Variants in CSMD3 observed in about 807,000 individuals in gnomAD.
The protein encoded by CSMD3 is CUB and Sushi multiple domains 3.
A neutral mutation model predicts 435.2 loss-of-function variants in CSMD3; 177 were observed. That is an observed-to-expected ratio of 0.41 (90% confidence interval 0.36 to 0.46). The LOEUF (loss-of-function observed/expected upper bound fraction) is 0.46, where lower values mean the gene tolerates loss of function less well. CSMD3 is among the 20% of genes least tolerant of loss of function. The pLI is 0.34. For synonymous variants in CSMD3, 1,656 were observed against 1,520.5 expected (o/e 1.09, Z -2.07); for missense variants, 4,265 against 4,504.6 (o/e 0.95, Z 1.52).
At chr8:113,390,534 T>C (rs1287592046) in intron 1 of CSMD3, among the ~76,000 whole-genome samples, 1 of 151,890 alleles carries the variant, frequency 6.6e-6, no homozygotes, top group Non-Finnish European at 1.5e-5. Context: ...TTATTCTATT[T>C]CTTCCATCAC....
intron 6 of CSMD3, among the ~76,000 whole-genome samples, chr8:112,985,017 T>C (rs2085202695): frequency 6.6e-6 from 1 of 151,860 alleles, no homozygotes; most frequent in African/African-American, 2.4e-5. Flanking sequence ...GATAGATAGA[T>C]AGATAGATAG....
At chr8:112,472,976 C>T (rs939259034) in intron 31 of CSMD3, among the ~76,000 whole-genome samples, 2 of 152,030 alleles carry the variant, frequency 1.3e-5, no homozygotes, top group African/African-American at 4.8e-5. Flanking sequence ...ATAATGGTGG[C>T]CCACCTTTCA....
intron 6 of CSMD3, among the ~76,000 whole-genome samples, chr8:113,007,084 G>A (rs1204982534): frequency 6.6e-6 from 1 of 151,944 alleles, no homozygotes. Context: ...GACAAGAACA[G>A]TTAATCTTGT....
intron 42 of CSMD3, 114 bp downstream of exon 42, chr8:112,341,363 G>GTTTTTTTTTTTTTTTTTTTTTTTTTTT: frequency 1.5e-6 from 1 of 670,396 alleles, no homozygotes. Context: ...CTTGGCTTAA[G>GTTTTTTTTTTTTTTTTTTTTTTTTTTT]TTTTTTTTTT....
chr8:112,538,562 C>T (rs1394870475), intron 27 of CSMD3, among the ~76,000 whole-genome samples: 2 of 151,018 alleles, frequency 1.3e-5, no homozygotes, highest in East Asian at 1.9e-4. Context: ...AATAACAAAC[C>T]ATCTGAAAAA....
At chr8:112,232,197 G>A (rs1294236216) in intron 68 of CSMD3, among the ~76,000 whole-genome samples, 1 of 152,220 alleles carries the variant, frequency 6.6e-6, no homozygotes, top group Non-Finnish European at 1.5e-5. Flanking sequence ...TCATATGAAA[G>A]TCAGAACAGG....
At chr8:112,334,219 G>A (rs1235702602) in intron 45 of CSMD3, among the ~76,000 whole-genome samples, 1 of 152,052 alleles carries the variant, frequency 6.6e-6, no homozygotes, top group Non-Finnish European at 1.5e-5. Flanking sequence ...GGATCACTAT[G>A]GAGAAACTAA....
At chr8:112,727,647 T>C (rs899192724) in intron 13 of CSMD3, among the ~76,000 whole-genome samples, 1 of 151,856 alleles carries the variant, frequency 6.6e-6, no homozygotes. Context: ...CAAAACTTAA[T>C]ATTTCCATTT....
chr8:113,136,629 G>A (rs1207320118), intron 4 of CSMD3, among the ~76,000 whole-genome samples: 3 of 151,590 alleles, frequency 2.0e-5, no homozygotes, highest in African/African-American at 7.3e-5. Flanking sequence ...AGGATTAGAC[G>A]CAGAAACCAG....
chr8:113,024,071 A>C (rs1466044801), intron 5 of CSMD3, among the ~76,000 whole-genome samples: 1 of 152,082 alleles, frequency 6.6e-6, no homozygotes, highest in East Asian at 1.9e-4. Context: ...CTCTCCTATC[A>C]ACTCACCACC....
chr8:112,446,873 T>C (rs1337721038), intron 32 of CSMD3, among the ~76,000 whole-genome samples: 1 of 152,182 alleles, frequency 6.6e-6, no homozygotes, highest in East Asian at 1.9e-4. Context: ...CTCCTTGACA[T>C]TCCCTTGGGC....
intron 3 of CSMD3, among the ~76,000 whole-genome samples, chr8:113,188,363 A>T (rs2092538972): frequency 6.6e-6 from 1 of 152,004 alleles, no homozygotes; most frequent in South Asian, 2.1e-4. Flanking sequence ...AATTGTTTTA[A>T]TTCAAAGAAA....
At chr8:112,666,126 G>A in intron 17 of CSMD3, 151 bp downstream of exon 17, 1 of 694,436 alleles carries the variant, frequency 1.4e-6, no homozygotes, top group Non-Finnish European at 2.5e-6. Context: ...ACGCTGAAAG[G>A]TTAAAAGGGG....
intron 11 of CSMD3, among the ~76,000 whole-genome samples, chr8:112,846,557 C>T (rs1323301301): frequency 2.0e-5 from 3 of 151,786 alleles, no homozygotes; most frequent in African/African-American, 4.8e-5. Flanking sequence ...CATGTGCCAC[C>T]ATGCCCACTT....
chr8:112,541,103 C>T (rs1029368879), intron 27 of CSMD3, among the ~76,000 whole-genome samples: 3 of 151,574 alleles, frequency 2.0e-5, no homozygotes, highest in South Asian at 2.1e-4. Context: ...AACAAAAACA[C>T]GATATGCCAA....
Position 112,645,423 on chromosome 8 carries a change from A to G in CSMD3, c.3194-198T>C, listed in dbSNP as rs1005049528. 2.0e-5 allele frequency among the ~76,000 whole-genome samples: 3 copies of G among 152,192 alleles called. 1 individual carries two copies. The highest frequency in any genetic ancestry group is 4.1e-4 in the South Asian group (2 of 4,838). On this transcript the variant is annotated intron_variant, in intron 19 of 70. Transcript: ENST00000297405. ...TGAGAATTAGTGCAGTCCCCAAGAGAACATGGCTCAACTTTCCAAGTTTGA... is the reference window on the plus strand; with the variant it reads ...TGAGAATTAGTGCAGTCCCCAAGAGGACATGGCTCAACTTTCCAAGTTTGA...
intron 10 of CSMD3, among the ~76,000 whole-genome samples, chr8:112,883,246 T>C (rs773704543): frequency 9.2e-5 from 14 of 152,014 alleles, no homozygotes; most frequent in Admixed American, 3.3e-4. Context: ...ACAAATGATT[T>C]AAAATATATC....
chr8:112,416,406 C>T (rs942235930), intron 32 of CSMD3, among the ~76,000 whole-genome samples: 9 of 152,162 alleles, frequency 5.9e-5, no homozygotes, highest in Non-Finnish European at 1.2e-4. Flanking sequence ...TCAATAAAAC[C>T]TCTTTCCTTT....
chr8:113,067,441 TGAA>T (rs1465016728), intron 5 of CSMD3, among the ~76,000 whole-genome samples: 6 of 152,154 alleles, frequency 3.9e-5, no homozygotes. Flanking sequence ...GATCCATTCA[TGAA>T]TGCCTCAGTC....
Sources: gnomAD v4.1 joint callset for allele counts (sites outside exome capture counted in the v4.1 genomes callset) on GRCh38, gnomAD v4.1.1 for gene constraint, MANE v1.5 for transcripts, NCBI Gene and HGNC (gene_info 2026-07-23, HGNC 2026-07-21) for gene names.